Variants in FAM3C observed in about 807,000 individuals in gnomAD.
FAM3C encodes the protein protein FAM3C.
FAM3C carries 15 observed loss-of-function variants against 32.5 expected under a neutral mutation model. The observed-to-expected ratio is 0.46, with a 90% CI of 0.31 to 0.71. The LOEUF is 0.71. Among genes scored for constraint, FAM3C ranks in the 30% least tolerant of loss-of-function variants. The pLI, the probability that FAM3C is intolerant of heterozygous loss-of-function variation, is 0.05. For missense variants in FAM3C, 175 were observed against 274.4 expected, an observed-to-expected ratio of 0.64 and a Z score of 2.56; for synonymous variants, 75 against 86.1, an observed-to-expected ratio of 0.87 and a Z score of 0.72.
intron 5 of FAM3C, among the ~76,000 whole-genome samples, chr7:121,366,749 C>T (rs2952563): frequency 6.6e-6 from 1 of 152,040 alleles, no homozygotes; most frequent in Non-Finnish European, 1.5e-5. Flanking sequence ...GGAGCATATA[C>T]ATTTAAAAGG....
At position 121,350,083 on chromosome 7, in the gene FAM3C, T is replaced by A; in HGVS notation, c.*378A>T. 1 of 188,174 alleles carries A rather than the reference T, an allele frequency of 5.3e-6. No individual in the cohort carries two copies. Among genetic ancestry groups the A allele is most frequent in the African/African-American group, 2.7e-5 (1 of 36,454 alleles). The allele number at this position is 188,174 out of a possible 1,614,324, so 11.7% of individuals were successfully genotyped here. ...TATAGAAACATAAAAGAAAATAAAG[T>A]ATCCACCCTAAAATCCCTATTATTC... On this transcript the variant is annotated 3_prime_UTR_variant, in exon 10 of 10. Coordinates refer to ENST00000359943, the MANE Select transcript of FAM3C (RefSeq NM_014888.3).
intron 1 of FAM3C, among the ~76,000 whole-genome samples, chr7:121,392,135 T>G (rs545455569): frequency 1.3e-5 from 2 of 152,340 alleles, no homozygotes; most frequent in African/African-American, 4.8e-5. Context: ...GGTTTGGAGC[T>G]GCTCAATTCA....
At chr7:121,393,697 C>G (rs376300977) in intron 1 of FAM3C, among the ~76,000 whole-genome samples, 14 of 152,118 alleles carry the variant, frequency 9.2e-5, no homozygotes, top group African/African-American at 2.9e-4. Context: ...AGGAAGTCAG[C>G]CGATTGTGTC....
intron 8 of FAM3C, among the ~76,000 whole-genome samples, chr7:121,358,561 A>C (rs1160909216): frequency 6.6e-6 from 1 of 150,698 alleles, no homozygotes; most frequent in Non-Finnish European, 1.5e-5. Context: ...GTCTTTTTGG[A>C]ACAGAGATAA....
intron 3 of FAM3C, 146 bp downstream of exon 3, chr7:121,378,764 C>A: frequency 2.3e-6 from 1 of 429,236 alleles, no homozygotes; most frequent in Non-Finnish European, 4.2e-6. Flanking sequence ...TAATTATATA[C>A]TGTAAAATAT....
intron 5 of FAM3C, among the ~76,000 whole-genome samples, chr7:121,369,228 G>T (rs1010733478): frequency 2.6e-5 from 4 of 151,904 alleles, no homozygotes; most frequent in Admixed American, 2.0e-4. Flanking sequence ...TGATCCACCC[G>T]CTTCGACCTC....
At chr7:121,388,510 A>G (rs1292176868) in intron 1 of FAM3C, among the ~76,000 whole-genome samples, 1 of 152,160 alleles carries the variant, frequency 6.6e-6, no homozygotes, top group Admixed American at 6.6e-5. Context: ...ATTATGATGT[A>G]AATGTATCCA....
intron 1 of FAM3C, among the ~76,000 whole-genome samples, chr7:121,392,820 A>G (rs997724323): frequency 6.6e-6 from 1 of 152,198 alleles, no homozygotes; most frequent in African/African-American, 2.4e-5. Flanking sequence ...AATGATATAT[A>G]TGTAATGTGG....
At position 121,354,225 on chromosome 7, in the gene FAM3C, G is replaced by A. The variant is rs914489685; in HGVS notation, c.468-2956C>T. On this transcript the variant is annotated intron_variant, in intron 8 of 9. Transcript: ENST00000359943. ...AAATATATTTTTATATAGCATAAAGGTTGGAGATACAAGCTTTTTATTCCA... is the reference window on the plus strand; with the variant it reads ...AAATATATTTTTATATAGCATAAAGATTGGAGATACAAGCTTTTTATTCCA... Among the ~76,000 whole-genome samples the A allele has an allele frequency of 3.9e-5, 6 of 152,036 alleles. No individual in the cohort carries two copies. In the South Asian group the frequency reaches 1.2e-3, roughly 32 times the overall value.
chr7:121,381,656 CCACACA>C (rs67277678), intron 2 of FAM3C, among the ~76,000 whole-genome samples: 117 of 142,326 alleles, frequency 8.2e-4, no homozygotes, highest in African/African-American at 2.6e-3. Context: ...CAAAGAACAT[CCACACA>C]CACACACACA....
rs1347795161 is a variant in FAM3C at position 121,372,129 on chromosome 7, T to A, written c.129A>T (p.Ala43=). ...ASLGNLFARS[A]LDTAARSTKP... The stretch of plus-strand genomic sequence containing the variant: ...ACTTACAACGTGCAGCTGTGTCCAA[T>A]GCTGATCTTGCTGAAAAAAAAAAAT... The change falls in exon 4 of 10, where the codon GCA becomes GCT. Residue 43 remains alanine (A), a synonymous_variant. Transcript: ENST00000359943. 6.2e-7 allele frequency: 1 copy of A among 1,607,270 alleles called. No individual in the cohort carries two copies. The highest frequency in any genetic ancestry group is 8.5e-7 in the Non-Finnish European group (1 of 1,175,612).
At chr7:121,390,172 TG>T (rs1455622687) in intron 1 of FAM3C, among the ~76,000 whole-genome samples, 3 of 152,242 alleles carry the variant, frequency 2.0e-5, no homozygotes, top group Non-Finnish European at 4.4e-5. Context: ...AACCTCTGGT[TG>T]CCAGGCACTT....
intron 3 of FAM3C, among the ~76,000 whole-genome samples, chr7:121,377,481 T>C (rs1210949619): frequency 1.3e-5 from 2 of 152,230 alleles, no homozygotes; most frequent in South Asian, 2.1e-4. Flanking sequence ...CTAGGGTTTA[T>C]AGTATCACTT....
chr7:121,392,123 C>T (rs576888143), intron 1 of FAM3C, among the ~76,000 whole-genome samples: 4 of 152,314 alleles, frequency 2.6e-5, no homozygotes, highest in African/African-American at 7.2e-5. Flanking sequence ...GCTCCCAGAT[C>T]TGGTTTGGAG....
chr7:121,357,303 G>A (rs1054819779), intron 8 of FAM3C, among the ~76,000 whole-genome samples: 3 of 152,138 alleles, frequency 2.0e-5, no homozygotes, highest in African/African-American at 7.2e-5. Context: ...GGAAAGAGCA[G>A]GGACATTCAG....
chr7:121,379,761 T>C (rs1218949974), intron 2 of FAM3C, among the ~76,000 whole-genome samples: 1 of 152,172 alleles, frequency 6.6e-6, no homozygotes, highest in African/African-American at 2.4e-5. Flanking sequence ...GATAACTACA[T>C]GGGGAGCGGG....
intron 4 of FAM3C, 151 bp downstream of exon 4, chr7:121,371,959 G>A: frequency 1.8e-6 from 1 of 561,976 alleles, no homozygotes; most frequent in Non-Finnish European, 3.2e-6. Context: ...AAAATATTTG[G>A]GCTGTCCAAT....
rs201961854 is a variant in FAM3C at position 121,351,278 on chromosome 7, G to C, written c.468-9C>G. 1 of 1,611,856 alleles carries C rather than the reference G, an allele frequency of 6.2e-7. No homozygotes were observed. Among genetic ancestry groups the C allele is most frequent in the Admixed American group, 1.7e-5 (1 of 59,796 alleles). The stretch of plus-strand genomic sequence containing the variant: ...GTGCCTCATCATTGAGTCTTGAAGA[G>C]GGAGAGAAAGAATACAACAATAAAC... On this transcript the variant is annotated splice_polypyrimidine_tract_variant and intron_variant, in intron 8 of 9. Coordinates refer to ENST00000359943, the MANE Select transcript of FAM3C (RefSeq NM_014888.3).
At chr7:121,390,583 G>A (rs1228665669) in intron 1 of FAM3C, among the ~76,000 whole-genome samples, 1 of 152,108 alleles carries the variant, frequency 6.6e-6, no homozygotes, top group South Asian at 2.1e-4. Context: ...CTTACCATCT[G>A]TGGCGTCATA....
Sources: gnomAD v4.1 joint callset for allele counts (sites outside exome capture counted in the v4.1 genomes callset) on GRCh38, gnomAD v4.1.1 for gene constraint, MANE v1.5 for transcripts, NCBI Gene and HGNC (gene_info 2026-07-23, HGNC 2026-07-21) for gene names.